MAPK10: variants seen among roughly 807,000 people sequenced by gnomAD.
MAPK10 encodes mitogen-activated protein kinase 10, also known as JNK3 alpha protein kinase.
A neutral mutation model predicts 59.3 loss-of-function variants in MAPK10; 25 were observed. The observed-to-expected ratio is 0.42, with a 90% CI of 0.31 to 0.59. The LOEUF is 0.59. MAPK10 is among the 20% of genes least tolerant of loss of function. MAPK10 has a pLI of 0.15. For missense variants in MAPK10, 351 were observed against 568.9 expected, an observed-to-expected ratio of 0.62 and a Z score of 3.90; for synonymous variants, 190 against 200.5, an observed-to-expected ratio of 0.95 and a Z score of 0.44.
intron 1 of MAPK10, among the ~76,000 whole-genome samples, chr4:86,485,834 G>A (rs558550779): frequency 5.9e-5 from 9 of 152,294 alleles, no homozygotes; most frequent in Admixed American, 3.9e-4. Context: ...CAGAGTTCAC[G>A]CATAGAGAAA....
chr4:86,555,496 C>A (rs111712419), intron 1 of MAPK10, among the ~76,000 whole-genome samples: 7,132 of 152,116 alleles, frequency 0.047, 222 homozygotes, highest in African/African-American at 0.059. Flanking sequence ...GGGTGCCTAG[C>A]AGAATGTCTT....
intron 1 of MAPK10, among the ~76,000 whole-genome samples, chr4:86,451,992 A>G (rs1201577723): frequency 1.3e-5 from 2 of 152,228 alleles, no homozygotes; most frequent in Non-Finnish European, 2.9e-5. Flanking sequence ...CCTGTAAGGT[A>G]GCTATTTGTT....
intron 1 of MAPK10, among the ~76,000 whole-genome samples, chr4:86,440,604 G>T (rs1452728583): frequency 1.3e-5 from 2 of 151,020 alleles, no homozygotes; most frequent in African/African-American, 4.9e-5. Flanking sequence ...CTCAAGCCTG[G>T]GTGACAGAGC....
intron 1 of MAPK10, among the ~76,000 whole-genome samples, chr4:86,371,858 C>T (rs925422121): frequency 7.9e-5 from 12 of 152,238 alleles, no homozygotes; most frequent in African/African-American, 2.6e-4. Context: ...CATTCCAGCA[C>T]AGATAATATG....
intron 2 of MAPK10, among the ~76,000 whole-genome samples, chr4:86,263,103 T>A (rs2094077735): frequency 6.6e-6 from 1 of 152,190 alleles, no homozygotes; most frequent in Non-Finnish European, 1.5e-5. Context: ...TCTCCAGGTT[T>A]CAGGAGTCAC....
At chr4:86,249,162 A>G (rs971126538) in intron 2 of MAPK10, among the ~76,000 whole-genome samples, 1 of 129,042 alleles carries the variant, frequency 7.7e-6, no homozygotes, top group African/African-American at 4.1e-5. Context: ...ACATACATGC[A>G]TACACACACA....
At chr4:86,395,437 T>C (rs1354579844) in intron 1 of MAPK10, among the ~76,000 whole-genome samples, 1 of 152,268 alleles carries the variant, frequency 6.6e-6, no homozygotes, top group East Asian at 1.9e-4. Context: ...ATCTAAGAAT[T>C]AAGAAATATT....
At chr4:86,439,972 AAAC>A (rs1401644943) in intron 1 of MAPK10, among the ~76,000 whole-genome samples, 1 of 152,228 alleles carries the variant, frequency 6.6e-6, no homozygotes, top group Non-Finnish European at 1.5e-5. Context: ...AGAAATATAA[AAAC>A]ATTTAAGGGA....
At chr4:86,333,040 G>C (rs1327602003) in intron 2 of MAPK10, among the ~76,000 whole-genome samples, 1 of 152,058 alleles carries the variant, frequency 6.6e-6, no homozygotes, top group African/African-American at 2.4e-5. Context: ...CAAACTCCTG[G>C]GCACAAGGGA....
chr4:86,224,189 A>G (rs2090195734), intron 2 of MAPK10, among the ~76,000 whole-genome samples: 1 of 152,168 alleles, frequency 6.6e-6, no homozygotes, highest in Non-Finnish European at 1.5e-5. Flanking sequence ...AATGCATACT[A>G]TGGGCCTGGA....
chr4:86,378,466 G>C (rs1409287113), intron 1 of MAPK10, among the ~76,000 whole-genome samples: 1 of 139,582 alleles, frequency 7.2e-6, no homozygotes, highest in African/African-American at 2.6e-5. Context: ...CTCACTGGCT[G>C]TTTTTCTTTA....
intron 2 of MAPK10, among the ~76,000 whole-genome samples, chr4:86,256,091 T>C (rs2093694938): frequency 6.6e-6 from 1 of 152,234 alleles, no homozygotes; most frequent in African/African-American, 2.4e-5. Context: ...TTTAGGAACC[T>C]CATTTATAGC....
intron 1 of MAPK10, among the ~76,000 whole-genome samples, chr4:86,593,488 A>C (rs572379145): frequency 1.3e-5 from 2 of 152,354 alleles, no homozygotes; most frequent in African/African-American, 4.8e-5. Flanking sequence ...GGAGGGGTAC[A>C]GCTGTCTGGA....
intron 3 of MAPK10, among the ~76,000 whole-genome samples, chr4:86,171,709 A>G (rs1226151118): frequency 1.3e-5 from 2 of 152,260 alleles, no homozygotes; most frequent in Non-Finnish European, 2.9e-5. Flanking sequence ...ATGGCAACAA[A>G]AGACAAAATT....
At chr4:86,028,917 T>C (rs1337098359) in intron 13 of MAPK10, 2 of 430,992 alleles carry the variant, frequency 4.6e-6, no homozygotes, top group Non-Finnish European at 8.6e-6. Flanking sequence ...ATGAGGCACA[T>C]TTACCCTTTA....
At position 86,049,886 on chromosome 4, in the gene MAPK10, T is replaced by C. The variant is rs75826000; in HGVS notation, c.1110+14380A>G. 7.3e-3 allele frequency among the ~76,000 whole-genome samples: 1,106 copies of C among 152,290 alleles called. 35 individuals carry two copies. The East Asian group carries it at 0.1, about 14-fold the overall frequency. On this transcript the variant is annotated intron_variant, in intron 11 of 13. Coordinates refer to ENST00000641462, the MANE Select transcript of MAPK10 (RefSeq NM_138982.4). The stretch of plus-strand genomic sequence containing the variant: ...TCTACCTAAAACACGAATCCCATTG[T>C]GTTACTCCCTGATTAAAATCTGTTC...
At chr4:86,457,242 G>A (rs922462348), upstream of MAPK10, among the ~76,000 whole-genome samples, 2 of 152,136 alleles carry the variant, frequency 1.3e-5, no homozygotes, top group African/African-American at 4.8e-5. Context: ...TCTGAGAACT[G>A]GAGCTAGACA....
intron 1 of MAPK10, among the ~76,000 whole-genome samples, chr4:86,538,995 T>C (rs1342774345): frequency 6.6e-6 from 1 of 152,204 alleles, no homozygotes; most frequent in Non-Finnish European, 1.5e-5. Flanking sequence ...TTTTTAAAAA[T>C]GCTGTAATAG....
intron 9 of MAPK10, 78 bp downstream of exon 9, chr4:86,098,446 C>T: frequency 6.3e-7 from 1 of 1,598,272 alleles, no homozygotes; most frequent in South Asian, 1.1e-5. Flanking sequence ...TATCTTTACT[C>T]TCCTGGTAAA....
Sources: gnomAD v4.1 joint callset for allele counts (sites outside exome capture counted in the v4.1 genomes callset) on GRCh38, gnomAD v4.1.1 for gene constraint, MANE v1.5 for transcripts, NCBI Gene and HGNC (gene_info 2026-07-23, HGNC 2026-07-21) for gene names.